Variants in LHX9 observed in about 807,000 individuals in gnomAD.
LHX9 encodes the protein LIM homeobox 9, also known as LIM/homeobox protein Lhx9.
LHX9 carries 9 observed loss-of-function variants against 36.5 expected under a neutral mutation model. That is an observed-to-expected ratio of 0.25 (90% CI 0.15 to 0.43). The LOEUF (loss-of-function observed/expected upper bound fraction) is 0.43, where lower values mean the gene tolerates loss of function less well. LHX9 is among the 20% of genes least tolerant of loss of function. The pLI, the probability that LHX9 is intolerant of heterozygous loss-of-function variation, is 1.00. For synonymous variants in LHX9, 211 were observed against 212.1 expected (o/e 0.99, Z 0.04); for missense variants, 464 against 526.4 (o/e 0.88, Z 1.16).
In LHX9 at chr1:197,933,756, AAAGAG is replaced by A. The variant is rs1660388481; in HGVS notation, c.*4499_*4503del. 6.6e-6 allele frequency: 1 copy of A among 150,830 alleles called. No individual in the cohort carries two copies. Among genetic ancestry groups the A allele is most frequent in the African/African-American group, 2.4e-5 (1 of 41,154 alleles). 9.3% of individuals were successfully genotyped at this position (150,830 alleles called of 1,614,324 possible). ...TTTTTAAAACCAAAAAAAAAAAAAA[AAAGAG>A]AGAGAGAGAGAAAGGAGTACTAATT... On this transcript the variant is annotated 3_prime_UTR_variant, in exon 5 of 5. Coordinates refer to ENST00000367387, the MANE Select transcript of LHX9 (RefSeq NM_020204.3).
At chr1:197,916,508 A>C (rs1166459269), upstream of LHX9, 1 of 600,246 alleles carries the variant, frequency 1.7e-6, no homozygotes, top group Non-Finnish European at 3.0e-6. Flanking sequence ...GCAAGCTTCA[A>C]ATGAGACATT....
intron 3 of LHX9, 45 bp from the exon 4 acceptor site, chr1:197,927,546 A>G (rs766271045): frequency 2.1e-5 from 32 of 1,542,352 alleles, no homozygotes; most frequent in Non-Finnish European, 2.9e-5. Flanking sequence ...CAGCTAATGC[A>G]AGAATTTCCA....
chr1:197,919,869 G>C (rs1046559966), intron 1 of LHX9, 103 bp from the exon 2 acceptor site: 15 of 1,170,532 alleles, frequency 1.3e-5, no homozygotes, highest in Non-Finnish European at 1.7e-5. Context: ...GGCCCCTGCC[G>C]CTCTCCCTGC....
At position 197,918,412 on chromosome 1, in the gene LHX9, C is replaced by T. The variant is rs781192409; in HGVS notation, c.174+415C>T. On this transcript the variant is annotated intron_variant, in intron 1 of 4. Coordinates refer to ENST00000367387, the MANE Select transcript of LHX9 (RefSeq NM_020204.3). ...CGAGGCGTCCGAGCCAAGCAGGAGC[C>T]CAGGTGGCCTTAGTCTCTGGGCCTG... 4 of 716,728 alleles carry T rather than the reference C, an allele frequency of 5.6e-6. No homozygotes were observed. The South Asian group carries it at 5.9e-5, about 11-fold the overall frequency. The allele number at this position is 716,728 out of a possible 1,614,324, so 44.4% of individuals were successfully genotyped here.
rs142278969 is a variant in LHX9, at chr1:197,931,679, T to G, written c.*2420T>G. The G allele has an allele frequency of 9.9e-4, 392 of 397,382 alleles. 3 individuals carry two copies. The highest frequency in any genetic ancestry group is 7.5e-3 in the Middle Eastern group (11 of 1,466). The allele number at this position is 397,382 out of a possible 1,614,324, so 24.6% of individuals were successfully genotyped here. A position where few individuals can be genotyped will look rare whatever the true frequency, so the allele number is the denominator to read the frequency against. ...GTGTAATTCAACCTAGAAATACCTT[T>G]GAATATATTTGCTTATAACAAAAGT... On this transcript the variant is annotated 3_prime_UTR_variant, in exon 5 of 5. Coordinates refer to ENST00000367387, the MANE Select transcript of LHX9 (RefSeq NM_020204.3).
intron 3 of LHX9, among the ~76,000 whole-genome samples, chr1:197,923,881 G>A (rs1660070230): frequency 6.6e-6 from 1 of 152,128 alleles, no homozygotes; most frequent in Non-Finnish European, 1.5e-5. Context: ...TGGTCCCAAA[G>A]GAGGGAAAAA....
At chr1:197,914,392 AG>A (rs1278855961), upstream of LHX9, among the ~76,000 whole-genome samples, 5 of 68,586 alleles carry the variant, frequency 7.3e-5, no homozygotes, top group Non-Finnish European at 1.3e-4. Context: ...AGCTGGGAGA[AG>A]GGGGAACATT....
Position 197,917,497 on chromosome 1 carries a change from C to A in LHX9, c.-327C>A. On this transcript the variant is annotated 5_prime_UTR_variant, in exon 1 of 5. Coordinates refer to ENST00000367387, the MANE Select transcript of LHX9 (RefSeq NM_020204.3). Reference sequence around the variant, plus strand: ...TTCTTCACCAGATTTTGTTTTCCTCCCCCCGCTGCAGTTGTTTCCCATTAG... The same window carrying A: ...TTCTTCACCAGATTTTGTTTTCCTCACCCCGCTGCAGTTGTTTCCCATTAG... 7.2e-7 allele frequency: 1 copy of A among 1,387,158 alleles called. No individual in the cohort carries two copies. Among genetic ancestry groups the A allele is most frequent in the Non-Finnish European group, 9.6e-7 (1 of 1,043,132 alleles). 85.9% of individuals were successfully genotyped at this position (1,387,158 alleles called of 1,614,324 possible).
At chr1:197,918,220 T>G in intron 1 of LHX9, 1 of 711,544 alleles carries the variant, frequency 1.4e-6, no homozygotes, top group Non-Finnish European at 2.6e-6. Flanking sequence ...TCGCAGCTGA[T>G]TCCGAAAGAG....
chr1:197,912,623 G>A, upstream of LHX9: 1 of 1,512,718 alleles, frequency 6.6e-7, no homozygotes, highest in Non-Finnish European at 9.2e-7. Context: ...TATACCATGT[G>A]AGTGTGTGTG....
Position 197,931,328 on chromosome 1 carries a change from A to G in LHX9, c.*2069A>G, listed in dbSNP as rs1660320538. 6.6e-6 allele frequency: 1 copy of G among 152,044 alleles called. No individual in the cohort carries two copies. The highest frequency in any genetic ancestry group is 2.4e-5 in the African/African-American group (1 of 41,454). The allele number at this position is 152,044 out of a possible 1,614,324, so 9.4% of individuals were successfully genotyped here. A position where few individuals can be genotyped will look rare whatever the true frequency, so the allele number is the denominator to read the frequency against. On this transcript the variant is annotated 3_prime_UTR_variant, in exon 5 of 5. Transcript: ENST00000367387. ...ATATATTGAGCTTCGTGTTTATAGT[A>G]CAGTAAGTGGTCTAGCAAAATTGTC...
At chr1:197,919,879 C>T in intron 1 of LHX9, 93 bp from the exon 2 acceptor site, 1 of 1,322,158 alleles carries the variant, frequency 7.6e-7, no homozygotes, top group Non-Finnish European at 1.1e-6. Context: ...GCTCTCCCTG[C>T]ACACCCTGGG....
rs780635107 is a variant in LHX9, at chr1:197,921,263, C to T, written c.378-41C>T. The T allele has an allele frequency of 6.4e-7, 1 of 1,560,856 alleles. No individual in the cohort carries two copies. Among genetic ancestry groups the T allele is most frequent in the East Asian group, 2.2e-5 (1 of 44,528 alleles). On this transcript the variant is annotated intron_variant, in intron 2 of 4. Coordinates refer to ENST00000367387, the MANE Select transcript of LHX9 (RefSeq NM_020204.3). The surrounding 1 kb of genome is among the most constrained non-coding windows in gnomAD (Gnocchi z 4.6). ...TGTCGCGGGTGGGATATGGCTCTGCCTTGCTTCAACTAGCGCCCTGACTCA... is the reference window on the plus strand; with the variant it reads ...TGTCGCGGGTGGGATATGGCTCTGCTTTGCTTCAACTAGCGCCCTGACTCA...
Position 197,917,705 on chromosome 1 carries a change from T to C in LHX9, c.-119T>C. ...CGATTTCCACTCCATCTGTTTCTTC[T>C]CCTCCTTTCTCTCCCTCTTTCCCTC... On this transcript the variant is annotated 5_prime_UTR_variant, in exon 1 of 5. Coordinates refer to ENST00000367387, the MANE Select transcript of LHX9 (RefSeq NM_020204.3). 1 of 1,582,790 alleles carries C rather than the reference T, an allele frequency of 6.3e-7. No individual in the cohort carries two copies. The highest frequency in any genetic ancestry group is 8.6e-7 in the Non-Finnish European group (1 of 1,169,332).
intron 1 of LHX9, chr1:197,918,268 G>A (rs1366305610): frequency 1.4e-6 from 1 of 717,132 alleles, no homozygotes; most frequent in South Asian, 1.5e-5. Context: ...ATGGGGGGTG[G>A]TGGCATTCTC....
At chr1:197,919,473 C>T (rs879663400) in intron 1 of LHX9, among the ~76,000 whole-genome samples, 2 of 152,184 alleles carry the variant, frequency 1.3e-5, no homozygotes, top group Non-Finnish European at 2.9e-5. Flanking sequence ...AGCAGAGGTC[C>T]AATAATCTCC....
upstream of LHX9, chr1:197,912,595 G>A (rs771037385): frequency 1.2e-6 from 2 of 1,608,720 alleles, no homozygotes; most frequent in Non-Finnish European, 1.7e-6. Context: ...GATGTTCTCT[G>A]CCCCTTGGGC....
chr1:197,920,800 C>T (rs1659958174), intron 2 of LHX9, among the ~76,000 whole-genome samples: 1 of 152,174 alleles, frequency 6.6e-6, no homozygotes, highest in Non-Finnish European at 1.5e-5. Flanking sequence ...TGACCTAGTT[C>T]CGCTCTCAGC....
intron 3 of LHX9, among the ~76,000 whole-genome samples, chr1:197,927,018 G>A (rs927279032): frequency 2.6e-5 from 4 of 152,156 alleles, no homozygotes; most frequent in African/African-American, 9.7e-5. Flanking sequence ...CGGAGCTCTA[G>A]GAATATGAGA....
Sources: allele counts gnomAD v4.1 joint callset (sites outside exome capture counted in the v4.1 genomes callset), GRCh38; gene constraint gnomAD v4.1.1; non-coding constraint Gnocchi (gnomAD v3.1); transcripts MANE v1.5; gene names NCBI Gene and HGNC (gene_info 2026-07-23, HGNC 2026-07-21).